The following KCNIP4 variants were observed in gnomAD, a reference collection of about 807,000 sequenced individuals.
KCNIP4 encodes the protein Kv channel-interacting protein 4.
In KCNIP4, 12 loss-of-function variants were observed where a neutral mutation model predicts 34.0. That is an observed-to-expected ratio of 0.35 (90% CI 0.23 to 0.57). The LOEUF is 0.57. Among genes scored for constraint, KCNIP4 ranks in the 20% least tolerant of loss-of-function variants. The probability of loss-of-function intolerance (pLI) is 0.83; values close to 1 mark genes in which losing one functional copy is unlikely to be tolerated. For synonymous variants in KCNIP4, 124 were observed against 102.2 expected, an observed-to-expected ratio of 1.21 and a Z score of -1.29; for missense variants, 238 against 311.7, an observed-to-expected ratio of 0.76 and a Z score of 1.78.
At chr4:21,739,115 A>G (rs938268257) in intron 1 of KCNIP4, among the ~76,000 whole-genome samples, 28 of 152,140 alleles carry the variant, frequency 1.8e-4, no homozygotes, top group African/African-American at 6.3e-4. Context: ...GTAAAAATGC[A>G]TACATAGACT....
intron 1 of KCNIP4, among the ~76,000 whole-genome samples, chr4:21,545,058 C>T (rs1202113900): frequency 6.6e-6 from 1 of 152,116 alleles, no homozygotes; most frequent in African/African-American, 2.4e-5. Flanking sequence ...ACAAGATATA[C>T]ATCAAAACCC....
intron 1 of KCNIP4, among the ~76,000 whole-genome samples, chr4:21,196,859 A>T (rs759991410): frequency 9.9e-5 from 15 of 152,174 alleles, no homozygotes; most frequent in Non-Finnish European, 1.9e-4. Context: ...ATGCATTTGT[A>T]CATGCACACA....
At chr4:20,781,662 G>T (rs1412792408) in intron 3 of KCNIP4, among the ~76,000 whole-genome samples, 1 of 152,148 alleles carries the variant, frequency 6.6e-6, no homozygotes, top group Non-Finnish European at 1.5e-5. Flanking sequence ...ACCACCCCAT[G>T]ATTCAAATTA....
At chr4:21,508,018 A>C (rs533980145) in intron 1 of KCNIP4, among the ~76,000 whole-genome samples, 3 of 152,276 alleles carry the variant, frequency 2.0e-5, no homozygotes, top group African/African-American at 7.2e-5. Context: ...CTTGTTTAGA[A>C]CTACAGTTTA....
At chr4:20,866,499 A>T (rs548789643) in intron 2 of KCNIP4, among the ~76,000 whole-genome samples, 2 of 152,004 alleles carry the variant, frequency 1.3e-5, no homozygotes, top group South Asian at 4.1e-4. Context: ...GCATCTAAAT[A>T]ACATAGCTCA....
At chr4:20,920,110 A>G (rs548612412) in intron 1 of KCNIP4, among the ~76,000 whole-genome samples, 13 of 152,344 alleles carry the variant, frequency 8.5e-5, no homozygotes, top group African/African-American at 2.6e-4. Flanking sequence ...TGTAATTTTC[A>G]TATATTGAAA....
rs73802316 is a variant in KCNIP4, at chr4:20,768,061, T to A, written c.289-9171A>T. Among the ~76,000 whole-genome samples the A allele has an allele frequency of 5.3e-3, 801 of 152,312 alleles. 9 individuals carry two copies. Among genetic ancestry groups the A allele is most frequent in the African/African-American group, 0.018 (747 of 41,566 alleles). ...ATAATTGCAGGAGAATTTTCAAAAT[T>A]TAAATGACACAATCCTACAACCTGT... On this transcript the variant is annotated intron_variant, in intron 3 of 8. Coordinates refer to ENST00000382152, the MANE Select transcript of KCNIP4 (RefSeq NM_025221.6).
At chr4:21,300,593 C>T (rs572756234) in intron 1 of KCNIP4, among the ~76,000 whole-genome samples, 4 of 152,064 alleles carry the variant, frequency 2.6e-5, no homozygotes, top group East Asian at 1.9e-4. Context: ...TCTTAAGTTT[C>T]GAGAAACGGT....
At chr4:20,842,085 G>T (rs73242519) in intron 3 of KCNIP4, among the ~76,000 whole-genome samples, 13,846 of 151,904 alleles carry the variant, frequency 0.091, 681 homozygotes, top group Non-Finnish European at 0.1. Flanking sequence ...TTTGCTTTTT[G>T]CCCCTCTTTT....
chr4:20,825,160 T>G (rs1414491706), intron 3 of KCNIP4, among the ~76,000 whole-genome samples: 1 of 151,698 alleles, frequency 6.6e-6, no homozygotes, highest in African/African-American at 2.4e-5. Context: ...AATTTGGTCT[T>G]ACTGAGAGAA....
intron 1 of KCNIP4, among the ~76,000 whole-genome samples, chr4:21,191,943 T>C (rs543993783): frequency 9.5e-4 from 144 of 152,208 alleles, no homozygotes; most frequent in Non-Finnish European, 1.6e-3. Context: ...CCATGATCAA[T>C]CTGTCTTTAT....
intron 1 of KCNIP4, among the ~76,000 whole-genome samples, chr4:21,484,865 T>G (rs1731776464): frequency 6.6e-6 from 1 of 152,204 alleles, no homozygotes; most frequent in South Asian, 2.1e-4. Flanking sequence ...TTCACCAGAT[T>G]GCAGGCTACT....
chr4:21,837,092 T>C (rs1463974408), intron 1 of KCNIP4, among the ~76,000 whole-genome samples: 2 of 150,682 alleles, frequency 1.3e-5, no homozygotes, highest in Non-Finnish European at 1.5e-5. Context: ...TAATTTTTTG[T>C]ATTTTTAGTA....
At chr4:21,335,739 C>T (rs1716115850) in intron 1 of KCNIP4, among the ~76,000 whole-genome samples, 1 of 152,194 alleles carries the variant, frequency 6.6e-6, no homozygotes, top group South Asian at 2.1e-4. Context: ...TCAGAGTATA[C>T]TTGGATATTT....
intron 1 of KCNIP4, among the ~76,000 whole-genome samples, chr4:21,435,567 C>G (rs1000355340): frequency 2.6e-5 from 4 of 151,956 alleles, no homozygotes; most frequent in Non-Finnish European, 5.9e-5. Context: ...AAAAGAAAGC[C>G]TCTTATTTTT....
intron 1 of KCNIP4, among the ~76,000 whole-genome samples, chr4:21,595,278 G>T (rs1487955588): frequency 6.6e-6 from 1 of 152,100 alleles, no homozygotes; most frequent in African/African-American, 2.4e-5. Flanking sequence ...TGCTGAGAAT[G>T]ATGGTTTCCA....
chr4:20,764,383 T>C (rs1755208303), intron 3 of KCNIP4, among the ~76,000 whole-genome samples: 1 of 152,050 alleles, frequency 6.6e-6, no homozygotes, highest in Admixed American at 6.6e-5. Context: ...TAATAATGCA[T>C]CCATTGAACT....
intron 1 of KCNIP4, among the ~76,000 whole-genome samples, chr4:21,746,095 CT>C (rs773509904): frequency 3.3e-5 from 5 of 152,082 alleles, no homozygotes; most frequent in Non-Finnish European, 7.4e-5. Flanking sequence ...CATAGCTGTC[CT>C]CAGTCTTTGT....
At chr4:21,590,461 A>G (rs1742106497) in intron 1 of KCNIP4, among the ~76,000 whole-genome samples, 1 of 151,936 alleles carries the variant, frequency 6.6e-6, no homozygotes, top group South Asian at 2.1e-4. Context: ...CCTTCTAAGT[A>G]TGTGGCCCTT....
Sources: gnomAD v4.1 joint callset for allele counts (sites outside exome capture counted in the v4.1 genomes callset) on GRCh38, gnomAD v4.1.1 for gene constraint, MANE v1.5 for transcripts, NCBI Gene and HGNC (gene_info 2026-07-23, HGNC 2026-07-21) for gene names.